The following DPF3 variants were observed in gnomAD, a reference collection of about 807,000 sequenced individuals.
DPF3 encodes the protein double PHD fingers 3.
DPF3 carries 18 observed loss-of-function variants against 56.8 expected under a neutral mutation model. That is an observed-to-expected ratio of 0.32 (90% CI 0.22 to 0.47). The LOEUF (loss-of-function observed/expected upper bound fraction) is 0.47. Ranked by LOEUF, DPF3 falls within the 20% of genes least tolerant of loss-of-function variation. The probability of loss-of-function intolerance (pLI) is 1.00; values close to 1 mark genes in which losing one functional copy is unlikely to be tolerated. For synonymous variants in DPF3, 188 were observed against 180.2 expected (o/e 1.04, Z -0.35); for missense variants, 403 against 488.8 (o/e 0.82, Z 1.65).
At chr14:72,713,907 T>G (rs113210378) in intron 6 of DPF3, among the ~76,000 whole-genome samples, 8 of 152,302 alleles carry the variant, frequency 5.3e-5, no homozygotes, top group African/African-American at 1.7e-4. Context: ...GGAGATAGAT[T>G]GAGGGCCATT....
At chr14:72,788,705 T>G (rs1337101745) in intron 1 of DPF3, among the ~76,000 whole-genome samples, 1 of 152,154 alleles carries the variant, frequency 6.6e-6, no homozygotes, top group Non-Finnish European at 1.5e-5. Context: ...AACCTTTCTT[T>G]GCCTCTCCAG....
intron 7 of DPF3, among the ~76,000 whole-genome samples, chr14:72,687,405 T>C (rs1244497787): frequency 6.6e-6 from 1 of 152,230 alleles, no homozygotes; most frequent in Admixed American, 6.5e-5. Context: ...ATACAACATA[T>C]AACAATAAGA....
At chr14:72,804,438 A>C (rs555041223) in intron 1 of DPF3, among the ~76,000 whole-genome samples, 25 of 152,292 alleles carry the variant, frequency 1.6e-4, no homozygotes, top group African/African-American at 6.0e-4. Context: ...CAACAAAAAC[A>C]ACAACAATCC....
chr14:72,756,242 T>G (rs1190159050), intron 2 of DPF3, among the ~76,000 whole-genome samples: 1 of 152,186 alleles, frequency 6.6e-6, no homozygotes, highest in Non-Finnish European at 1.5e-5. Context: ...GAGCTGCAAC[T>G]CGAGCTACAA....
intron 1 of DPF3, among the ~76,000 whole-genome samples, chr14:72,886,774 C>T (rs1886563679): frequency 6.6e-6 from 1 of 151,964 alleles, no homozygotes; most frequent in African/African-American, 2.4e-5. Flanking sequence ...AAAGAAAAGC[C>T]TGATAATAAT....
chr14:72,643,704 C>T (rs1885628939), intron 8 of DPF3, among the ~76,000 whole-genome samples: 1 of 152,244 alleles, frequency 6.6e-6, no homozygotes, highest in South Asian at 2.1e-4. Flanking sequence ...AGTGACCGCC[C>T]ATCACCAGCT....
rs1442039423 is a variant in DPF3, at chr14:72,797,386, T to C, written c.33-25493A>G. Among the ~76,000 whole-genome samples, 4 of 152,324 alleles carry C rather than the reference T, an allele frequency of 2.6e-5. No homozygotes were observed. The South Asian group carries it at 8.3e-4, about 32-fold the overall frequency. On this transcript the variant is annotated intron_variant, in intron 1 of 10. Coordinates refer to ENST00000556509, the MANE Select transcript of DPF3 (RefSeq NM_001280542.3). ...GTTGCTATTTGAAGCCATTAAGCTT[T>C]ATGGTGTTTTGGTATGCTGCAAAAC... is the stretch of plus-strand genomic sequence containing the variant.
chr14:72,647,489 T>A (rs1207534878), intron 8 of DPF3, among the ~76,000 whole-genome samples: 1 of 152,232 alleles, frequency 6.6e-6, no homozygotes, highest in Admixed American at 6.5e-5. Flanking sequence ...ACAGGCACCA[T>A]ATACTCTCTC....
chr14:72,683,810 C>A (rs892491771), intron 7 of DPF3, among the ~76,000 whole-genome samples: 1 of 152,102 alleles, frequency 6.6e-6, no homozygotes, highest in Non-Finnish European at 1.5e-5. Flanking sequence ...GTCTTAAAAG[C>A]TCCCCTGGTA....
At chr14:72,768,107 A>G (rs1045418689) in intron 2 of DPF3, among the ~76,000 whole-genome samples, 1 of 152,206 alleles carries the variant, frequency 6.6e-6, no homozygotes, top group Admixed American at 6.5e-5. Flanking sequence ...AAGGAAAACT[A>G]AGAAGTTGTT....
chr14:72,702,188 A>C (rs1188508678), intron 6 of DPF3, among the ~76,000 whole-genome samples: 6 of 150,720 alleles, frequency 4.0e-5, no homozygotes, highest in South Asian at 4.3e-4. Context: ...ACCCACCCCA[A>C]CGGCCTGGGG....
rs372482527 is a variant in DPF3, at chr14:72,745,585, C to T, written c.301+7679G>A. Among the ~76,000 whole-genome samples, 36 of 152,164 alleles carry T rather than the reference C, an allele frequency of 2.4e-4. No homozygotes were observed. In the South Asian group the frequency reaches 5.6e-3, roughly 24 times the overall value. ...ATACTGGTAGGTACTATTCATTGTA[C>T]CTCAAAAAGGTCATACCAATTCCGT... On this transcript the variant is annotated intron_variant, in intron 3 of 10. Coordinates refer to ENST00000556509, the MANE Select transcript of DPF3 (RefSeq NM_001280542.3).
chr14:72,882,638 C>T (rs1294379534), intron 1 of DPF3, among the ~76,000 whole-genome samples: 5 of 152,168 alleles, frequency 3.3e-5, no homozygotes, highest in African/African-American at 7.2e-5. Flanking sequence ...ACTTAGCATT[C>T]ATCACAGGCA....
intron 1 of DPF3, among the ~76,000 whole-genome samples, chr14:72,873,446 G>C (rs557337770): frequency 3.2e-4 from 48 of 152,326 alleles, no homozygotes; most frequent in Non-Finnish European, 6.9e-4. Context: ...AGGATGTGGA[G>C]AAATAGGAAC....
chr14:72,750,051 T>C lies in DPF3; in HGVS notation c.301+3213A>G, dbSNP rs543669946. Among the ~76,000 whole-genome samples, 9 of 152,204 alleles carry C rather than the reference T, an allele frequency of 5.9e-5. No individual in the cohort carries two copies. In the East Asian group the frequency reaches 9.6e-4, roughly 16 times the overall value. On this transcript the variant is annotated intron_variant, in intron 3 of 10. Transcript: ENST00000556509. ...GTTTGACTTGAGCTTCCAATGTTTATGACTAAAGGAATTCCAACTATCTCT... is the reference window on the plus strand; with the variant it reads ...GTTTGACTTGAGCTTCCAATGTTTACGACTAAAGGAATTCCAACTATCTCT...
At chr14:72,774,420 A>T (rs1204887294) in intron 1 of DPF3, among the ~76,000 whole-genome samples, 1 of 152,130 alleles carries the variant, frequency 6.6e-6, no homozygotes, top group Non-Finnish European at 1.5e-5. Flanking sequence ...CATTTCTACC[A>T]ACAGTGTACA....
intron 1 of DPF3, among the ~76,000 whole-genome samples, chr14:72,781,335 G>C (rs1296240537): frequency 6.6e-6 from 1 of 152,182 alleles, no homozygotes; most frequent in African/African-American, 2.4e-5. Flanking sequence ...TCATTCTGTG[G>C]GTGGCTCTGA....
At chr14:72,765,458 T>C (rs1891240615) in intron 2 of DPF3, among the ~76,000 whole-genome samples, 1 of 152,222 alleles carries the variant, frequency 6.6e-6, no homozygotes, top group African/African-American at 2.4e-5. Context: ...TGTACACAAA[T>C]GTTCATAGTG....
In DPF3 at chr14:72,644,611, T is replaced by C. The variant is rs368675052; in HGVS notation, c.872-14875A>G. Among the ~76,000 whole-genome samples the C allele has an allele frequency of 2.6e-5, 4 of 152,340 alleles. No individual in the cohort carries two copies. The South Asian group carries it at 6.2e-4, about 24-fold the overall frequency. Reference sequence around the variant, plus strand: ...AAATGATGCCCTAAGACATATAGTCTATTTGGCCTATTCAATACAAAAACA... The same window carrying C: ...AAATGATGCCCTAAGACATATAGTCCATTTGGCCTATTCAATACAAAAACA... On this transcript the variant is annotated intron_variant, in intron 8 of 10. Transcript: ENST00000556509.
Sources: allele counts gnomAD v4.1 joint callset (sites outside exome capture counted in the v4.1 genomes callset), GRCh38; gene constraint gnomAD v4.1.1; transcripts MANE v1.5; gene names NCBI Gene and HGNC (gene_info 2026-07-23, HGNC 2026-07-21).